Variants in USP24 observed in about 807,000 individuals in gnomAD.
The protein encoded by USP24 is ubiquitin carboxyl-terminal hydrolase 24.
A neutral mutation model predicts 361.6 loss-of-function variants in USP24; 97 were observed. That is an observed-to-expected ratio of 0.27 (90% CI 0.23 to 0.32). The LOEUF (loss-of-function observed/expected upper bound fraction) is 0.32, where lower values mean the gene tolerates loss of function less well. Ranked by LOEUF, USP24 falls within the 10% of genes least tolerant of loss-of-function variation. USP24 has a pLI of 1.00. For missense variants in USP24, 2,353 were observed against 3,165.6 expected (o/e 0.74, Z 6.16); for synonymous variants, 1,098 against 1,124.6 (o/e 0.98, Z 0.47).
At chr1:55,120,311 G>C (rs1646243579) in intron 38 of USP24, among the ~76,000 whole-genome samples, 2 of 152,114 alleles carry the variant, frequency 1.3e-5, no homozygotes, top group African/African-American at 4.8e-5. Context: ...ACAGTGACCG[G>C]GCTCCAATAA....
chr1:55,206,094 T>C (rs1352955048), intron 1 of USP24, among the ~76,000 whole-genome samples: 1 of 152,226 alleles, frequency 6.6e-6, no homozygotes. Flanking sequence ...CTGAATACTC[T>C]TTCAAATACC....
intron 45 of USP24, among the ~76,000 whole-genome samples, chr1:55,098,988 T>C (rs1645564414): frequency 6.6e-6 from 1 of 152,204 alleles, no homozygotes; most frequent in Non-Finnish European, 1.5e-5. Flanking sequence ...CAATACCGTT[T>C]AGGAAGTCTG....
chr1:55,118,294 T>C (rs1646178808), intron 38 of USP24, among the ~76,000 whole-genome samples: 2 of 151,996 alleles, frequency 1.3e-5, no homozygotes, highest in African/African-American at 4.8e-5. Flanking sequence ...GCAATAGAAA[T>C]ATAGAACTCA....
intron 1 of USP24, among the ~76,000 whole-genome samples, chr1:55,209,505 A>G (rs1028868206): frequency 3.9e-5 from 6 of 152,174 alleles, no homozygotes; most frequent in Non-Finnish European, 2.9e-5. Context: ...CTAAGCTGCT[A>G]CTGTCACTTC....
chr1:55,203,984 A>G (rs1388130165), intron 1 of USP24, among the ~76,000 whole-genome samples: 1 of 152,204 alleles, frequency 6.6e-6, no homozygotes, highest in Non-Finnish European at 1.5e-5. Flanking sequence ...ACTCTAACTC[A>G]CCAAAGTATT....
chr1:55,204,428 G>A (rs1644653810), intron 1 of USP24, among the ~76,000 whole-genome samples: 1 of 150,502 alleles, frequency 6.6e-6, no homozygotes. Context: ...CATCTAACAG[G>A]CAAAAAAATA....
At chr1:55,144,261 GA>G in intron 20 of USP24, 58 bp from the exon 21 acceptor site, 1 of 1,182,348 alleles carries the variant, frequency 8.5e-7, no homozygotes. Flanking sequence ...GATAATCAAT[GA>G]AAAGACTCAA....
intron 16 of USP24, 134 bp downstream of exon 16, chr1:55,153,736 T>G: frequency 9.7e-7 from 1 of 1,028,182 alleles, no homozygotes; most frequent in Non-Finnish European, 1.4e-6. Context: ...ATAAACAAAT[T>G]TTTAGACATC....
chr1:55,122,086 G>A (rs1570462387), intron 36 of USP24, among the ~76,000 whole-genome samples: 2 of 152,242 alleles, frequency 1.3e-5, no homozygotes, highest in Non-Finnish European at 2.9e-5. Context: ...TGTCCTCATG[G>A]AGCTTTCAAT....
intron 54 of USP24, 25 bp from the exon 55 acceptor site, chr1:55,089,765 A>C (rs754391927): frequency 1.3e-6 from 2 of 1,529,914 alleles, no homozygotes; most frequent in Non-Finnish European, 1.8e-6. Context: ...AGATACAGCA[A>C]TGTTAGGAGC....
intron 1 of USP24, among the ~76,000 whole-genome samples, chr1:55,202,137 T>G (rs1220338563): frequency 6.6e-6 from 1 of 152,206 alleles, no homozygotes; most frequent in Non-Finnish European, 1.5e-5. Context: ...ATATTCACCA[T>G]GCTTTATTTT....
chr1:55,114,024 A>G (rs1184865069), intron 38 of USP24, among the ~76,000 whole-genome samples: 1 of 152,222 alleles, frequency 6.6e-6, no homozygotes, highest in Non-Finnish European at 1.5e-5. Flanking sequence ...ATCTTCTCTC[A>G]GGCCAAAATC....
intron 1 of USP24, among the ~76,000 whole-genome samples, chr1:55,189,398 T>C (rs890784111): frequency 6.6e-6 from 1 of 152,198 alleles, no homozygotes. Context: ...GTTGAATGAA[T>C]TTCCACAAAA....
At position 55,098,561 on chromosome 1, in the gene USP24, G is replaced by A. The variant is rs1457371983; in HGVS notation, c.5371-3C>T. ...AAAATTTGGTCTCTCCCCATTTTCT[G>A]TTGGAATGAAAAGTTACAGTTTTAA... On this transcript the variant is annotated splice_polypyrimidine_tract_variant and splice_region_variant and intron_variant, in intron 45 of 67. Transcript: ENST00000294383. 6.2e-7 allele frequency: 1 copy of A among 1,606,536 alleles called. No homozygotes were observed. Among genetic ancestry groups the A allele is most frequent in the Non-Finnish European group, 8.5e-7 (1 of 1,174,788 alleles).
chr1:55,165,845 A>G (rs1055589210), intron 7 of USP24, 40 bp downstream of exon 7: 2 of 1,527,316 alleles, frequency 1.3e-6, no homozygotes, highest in African/African-American at 2.8e-5. Context: ...CTCAAGTGAA[A>G]TGAATTTCCA....
intron 63 of USP24, among the ~76,000 whole-genome samples, chr1:55,074,157 G>A (rs1483898367): frequency 6.7e-6 from 1 of 149,882 alleles, no homozygotes; most frequent in Non-Finnish European, 1.5e-5. Context: ...ACATGGTGCT[G>A]CAAGTTTGAC....
intron 7 of USP24, among the ~76,000 whole-genome samples, chr1:55,164,731 GC>G (rs1164635882): frequency 6.6e-6 from 1 of 151,728 alleles, no homozygotes; most frequent in Non-Finnish European, 1.5e-5. Context: ...TGAGGGCTAT[GC>G]CCAGATTCCC....
intron 1 of USP24, among the ~76,000 whole-genome samples, chr1:55,197,241 C>G (rs1021899350): frequency 3.9e-5 from 6 of 152,170 alleles, no homozygotes; most frequent in African/African-American, 1.4e-4. Flanking sequence ...TATCATACCC[C>G]CTACCCACTG....
intron 3 of USP24, among the ~76,000 whole-genome samples, chr1:55,176,018 G>A (rs1649946104): frequency 6.6e-6 from 1 of 152,214 alleles, no homozygotes; most frequent in South Asian, 2.1e-4. Context: ...CTTTCTAAGT[G>A]CCACAAGCCT....
Sources: gnomAD v4.1 joint callset for allele counts (sites outside exome capture counted in the v4.1 genomes callset) on GRCh38, gnomAD v4.1.1 for gene constraint, MANE v1.5 for transcripts, NCBI Gene and HGNC (gene_info 2026-07-23, HGNC 2026-07-21) for gene names.